NRG3: variants seen among roughly 807,000 people sequenced by gnomAD.
NRG3 encodes the protein pro-neuregulin-3, membrane-bound isoform.
NRG3 carries 31 observed loss-of-function variants against 66.9 expected under a neutral mutation model. That is an observed-to-expected ratio of 0.46 (90% CI 0.35 to 0.63). The LOEUF (loss-of-function observed/expected upper bound fraction) is 0.63. Among genes scored for constraint, NRG3 ranks in the 20% least tolerant of loss-of-function variants. The pLI is 0.00. For missense variants in NRG3, 910 were observed against 878.9 expected (o/e 1.04, Z -0.45); for synonymous variants, 393 against 359.4 (o/e 1.09, Z -1.06).
chr10:82,953,201 A>G (rs1260780825), intron 5 of NRG3, among the ~76,000 whole-genome samples: 1 of 151,994 alleles, frequency 6.6e-6, no homozygotes, highest in Non-Finnish European at 1.5e-5. Context: ...TGCCAGGCAC[A>G]CTGGGCTTCT....
chr10:81,989,602 C>CATCT (rs976601130), intron 1 of NRG3, among the ~76,000 whole-genome samples: 1 of 152,066 alleles, frequency 6.6e-6, no homozygotes, highest in Non-Finnish European at 1.5e-5. Flanking sequence ...TTTATAAAGT[C>CATCT]ATCTGTATTG....
intron 1 of NRG3, among the ~76,000 whole-genome samples, chr10:82,314,829 A>C (rs953509402): frequency 6.6e-6 from 1 of 152,168 alleles, no homozygotes; most frequent in Non-Finnish European, 1.5e-5. Context: ...AAACAAAAAA[A>C]CAATAAATAG....
intron 3 of NRG3, among the ~76,000 whole-genome samples, chr10:82,742,306 CTGTGAGAGCCT>C (rs2058460749): frequency 6.6e-6 from 1 of 152,092 alleles, no homozygotes; most frequent in African/African-American, 2.4e-5. Flanking sequence ...AAGGATGTCA[CTGTGAGAGCCT>C]TACTGGCTTG....
At chr10:82,290,641 T>A (rs566059374) in intron 1 of NRG3, among the ~76,000 whole-genome samples, 2 of 150,782 alleles carry the variant, frequency 1.3e-5, no homozygotes, top group South Asian at 4.2e-4. Flanking sequence ...TCAAATGATT[T>A]TTTTTTTTTT....
intron 1 of NRG3, among the ~76,000 whole-genome samples, chr10:82,061,479 T>C (rs7091584): frequency 0.9 from 136,740 of 152,224 alleles, 62,223 homozygotes; most frequent in South Asian, 0.99. Flanking sequence ...AATTTAAAAC[T>C]CTCCCCAAGG....
chr10:82,218,291 C>T (rs546696149), intron 1 of NRG3, among the ~76,000 whole-genome samples: 18 of 152,236 alleles, frequency 1.2e-4, no homozygotes, highest in Admixed American at 1.1e-3. Flanking sequence ...CTAATATTTT[C>T]CTAATTTATT....
intron 2 of NRG3, among the ~76,000 whole-genome samples, chr10:82,482,998 T>C (rs1471220074): frequency 6.6e-6 from 1 of 152,154 alleles, no homozygotes; most frequent in African/African-American, 2.4e-5. Flanking sequence ...CTTGCAAGGA[T>C]GCAAGAATTT....
intron 1 of NRG3, among the ~76,000 whole-genome samples, chr10:81,880,419 A>G (rs2132466392): frequency 6.6e-6 from 1 of 152,280 alleles, no homozygotes; most frequent in East Asian, 1.9e-4. Context: ...AAAAAAACCC[A>G]GCTGGTTTCT....
At position 82,654,518 on chromosome 10, in the gene NRG3, G is replaced by A. The variant is rs146259256; in HGVS notation, c.954-84059G>A. ...AAATGCTTAATGTATAAAGCAAAAAGCTATTATTATATAGTCATCTTAGAT... is the reference window on the plus strand; with the variant it reads ...AAATGCTTAATGTATAAAGCAAAAAACTATTATTATATAGTCATCTTAGAT... On this transcript the variant is annotated intron_variant, in intron 2 of 8. Transcript: ENST00000372141. Among the ~76,000 whole-genome samples, 755 of 152,224 alleles carry A rather than the reference G, an allele frequency of 5.0e-3. 4 individuals carry two copies. The highest frequency in any genetic ancestry group is 0.017 in the African/African-American group (712 of 41,532).
At chr10:82,460,827 CT>C (rs2091479923) in intron 2 of NRG3, among the ~76,000 whole-genome samples, 1 of 152,174 alleles carries the variant, frequency 6.6e-6, no homozygotes. Context: ...AAGAAGAGCC[CT>C]CTATCCTCCC....
At chr10:81,877,942 T>C (rs1841827749) in intron 1 of NRG3, 1 of 1,537,576 alleles carries the variant, frequency 6.5e-7, no homozygotes, top group East Asian at 2.4e-5. Flanking sequence ...TCTGCTCTTT[T>C]GATGCAGTTG....
intron 1 of NRG3, among the ~76,000 whole-genome samples, chr10:81,926,997 TTGTAA>T (rs527713268): frequency 2.0e-5 from 3 of 152,212 alleles, no homozygotes; most frequent in Non-Finnish European, 4.4e-5. Flanking sequence ...GGCGACAGTA[TTGTAA>T]TGTAATGACT....
intron 1 of NRG3, among the ~76,000 whole-genome samples, chr10:82,020,641 C>T (rs1564744249): frequency 6.6e-6 from 1 of 152,092 alleles, no homozygotes; most frequent in South Asian, 2.1e-4. Flanking sequence ...AGCTGAGCCT[C>T]AAAGAAGTTA....
At chr10:82,836,510 T>A (rs1055559229) in intron 3 of NRG3, among the ~76,000 whole-genome samples, 2 of 152,160 alleles carry the variant, frequency 1.3e-5, no homozygotes, top group African/African-American at 4.8e-5. Flanking sequence ...TCCTTTGTGA[T>A]AACACTTGGC....
chr10:82,463,827 T>A (rs1429596976), intron 2 of NRG3, among the ~76,000 whole-genome samples: 1 of 152,216 alleles, frequency 6.6e-6, no homozygotes, highest in African/African-American at 2.4e-5. Context: ...TAGATTGTAA[T>A]CGAAAGCAGG....
chr10:82,832,787 A>C (rs1389130094), intron 3 of NRG3, among the ~76,000 whole-genome samples: 2 of 148,898 alleles, frequency 1.3e-5, no homozygotes, highest in East Asian at 3.9e-4. Flanking sequence ...AGACAGACAG[A>C]AGAGGTATGC....
chr10:82,016,550 C>G (rs888668562), intron 1 of NRG3, among the ~76,000 whole-genome samples: 14 of 152,022 alleles, frequency 9.2e-5, no homozygotes, highest in African/African-American at 3.4e-4. Flanking sequence ...ATAAAATAGG[C>G]TTAGGACAGG....
chr10:82,645,534 G>A (rs1382403879), intron 2 of NRG3, among the ~76,000 whole-genome samples: 2 of 152,152 alleles, frequency 1.3e-5, no homozygotes, highest in African/African-American at 4.8e-5. Context: ...ATTCTTCAAT[G>A]TGCAAACTCT....
rs1244488417 is a variant in NRG3 at position 82,985,093 on chromosome 10, T to C, written c.1584-5T>C. 1.7e-5 allele frequency: 28 copies of C among 1,611,824 alleles called. No homozygotes were observed. In the Middle Eastern group the frequency reaches 5.0e-4, roughly 29 times the overall value. ...AGAAGGAGTAACACTGTGTTTCTTT[T>C]TCAGGTATTCATCCAGTGGTTTAAA... On this transcript the variant is annotated splice_polypyrimidine_tract_variant and splice_region_variant and intron_variant, in intron 8 of 8. Coordinates refer to ENST00000372141, the MANE Select transcript of NRG3 (RefSeq NM_001010848.4).
Sources: allele counts gnomAD v4.1 joint callset (sites outside exome capture counted in the v4.1 genomes callset), GRCh38; gene constraint gnomAD v4.1.1; transcripts MANE v1.5; gene names NCBI Gene and HGNC (gene_info 2026-07-23, HGNC 2026-07-21).